The following ATP2A3 variants were observed in gnomAD, a reference collection of about 807,000 sequenced individuals.
ATP2A3 encodes the protein sarcoplasmic/endoplasmic reticulum calcium ATPase 3.
A neutral mutation model predicts 106.8 loss-of-function variants in ATP2A3; 61 were observed. The observed-to-expected ratio is 0.57, with a 90% CI of 0.46 to 0.71. ATP2A3 has a LOEUF of 0.71. Among genes scored for constraint, ATP2A3 ranks in the 30% least tolerant of loss-of-function variants. The probability of loss-of-function intolerance (pLI) is 0.00; values close to 1 mark genes in which losing one functional copy is unlikely to be tolerated. For missense variants in ATP2A3, 1,201 were observed against 1,423.5 expected (o/e 0.84, Z 2.52); for synonymous variants, 611 against 609.3 (o/e 1.00, Z -0.04).
At chr17:3,935,095 A>G in intron 17 of ATP2A3, 97 bp downstream of exon 17, 1 of 1,262,498 alleles carries the variant, frequency 7.9e-7, no homozygotes, top group Non-Finnish European at 1.2e-6. Flanking sequence ...GGGGAAGGAC[A>G]CTGCAGGCCA....
intron 14 of ATP2A3, among the ~76,000 whole-genome samples, chr17:3,940,252 G>A (rs981480887): frequency 4.0e-5 from 6 of 151,860 alleles, no homozygotes; most frequent in African/African-American, 9.7e-5. Context: ...GTGCTTCATC[G>A]AAGGCAAATT....
chr17:3,945,250 C>A (rs2054047973), intron 8 of ATP2A3, 102 bp from the exon 9 acceptor site: 1 of 1,163,536 alleles, frequency 8.6e-7, no homozygotes, highest in South Asian at 1.4e-5. Flanking sequence ...CCTGCCCGAC[C>A]GAGGGCCAAA....
At chr17:3,944,834 G>T in intron 9 of ATP2A3, 28 bp from the exon 10 acceptor site, 1 of 1,589,542 alleles carries the variant, frequency 6.3e-7, no homozygotes, top group Non-Finnish European at 8.6e-7. Flanking sequence ...TCACCAGGAG[G>T]ACCTCGGCTC....
chr17:3,958,775 C>CACACATATAT (rs1567726453), intron 1 of ATP2A3, among the ~76,000 whole-genome samples: 5 of 132,330 alleles, frequency 3.8e-5, no homozygotes, highest in East Asian at 2.0e-4. Flanking sequence ...CATATATATA[C>CACACATATAT]ACACACATAT....
chr17:3,935,152 G>A, intron 17 of ATP2A3, 40 bp downstream of exon 17: 1 of 1,604,420 alleles, frequency 6.2e-7, no homozygotes, highest in African/African-American at 1.3e-5. Context: ...AACAACTCGA[G>A]CTGTAAGTTC....
chr17:3,947,745 C>T lies in ATP2A3; in HGVS notation c.741G>A (p.Thr247=), dbSNP rs761338635. 22 of 1,607,726 alleles carry T rather than the reference C, an allele frequency of 1.4e-5. No individual in the cohort carries two copies. The highest frequency in any genetic ancestry group is 1.6e-4 in the Middle Eastern group (1 of 6,084). ...SQMAAVEPER[T]PLQRKLDEFG... is the part of the protein sequence containing the mutation. Reference sequence around the variant, plus strand: ...ACTCGTCCAGCTTGCGCTGCAGCGGCGTCCGCTCGGGCTCGACTGCCGCCA... The same window carrying T: ...ACTCGTCCAGCTTGCGCTGCAGCGGTGTCCGCTCGGGCTCGACTGCCGCCA... Residue 247 remains threonine (T), a synonymous_variant, in exon 8 of 21, where the codon ACG becomes ACA. Coordinates refer to ENST00000397041, the MANE Select transcript of ATP2A3 (RefSeq NM_005173.4). This position sits in a 1 kb window ranked among gnomAD's most constrained non-coding sequence, Gnocchi z 7.7.
chr17:3,963,182 C>T (rs7226031), intron 1 of ATP2A3, among the ~76,000 whole-genome samples: 15,305 of 152,272 alleles, frequency 0.1, 867 homozygotes, highest in Middle Eastern at 0.15. Flanking sequence ...GGCTAGAATA[C>T]CTTCCCCTCT....
At position 3,930,885 on chromosome 17, in the gene ATP2A3, T is replaced by C. The variant is rs55673593; in HGVS notation, c.2611-451A>G. ...ATTTACAGCTGGGCGTGGTGGCTCA[T>C]GCCTGTCATCCCAGGGAGGCGGAGG... On this transcript the variant is annotated intron_variant, in intron 17 of 20. Transcript: ENST00000397041. This position sits in a 1 kb window ranked among gnomAD's most constrained non-coding sequence, Gnocchi z 5.4. The C allele has an allele frequency of 0.18, 50,290 of 284,138 alleles. 6,729 individuals carry two copies. Among genetic ancestry groups the C allele is most frequent in the African/African-American group, 0.45 (20,368 of 45,694 alleles). The allele number at this position is 284,138 out of a possible 1,614,324, so 17.6% of individuals were successfully genotyped here.
chr17:3,961,032 G>A (rs1567729899), intron 1 of ATP2A3, among the ~76,000 whole-genome samples: 1 of 152,194 alleles, frequency 6.6e-6, no homozygotes. Flanking sequence ...GCTCCTCCTG[G>A]CACCGGCTCC....
Position 3,947,422 on chromosome 17 carries a change from G to A in ATP2A3, c.1064C>T (p.Thr355Met), listed in dbSNP as rs1423420491. ...GACAGACATCTGATTGGTGGTGAGCGTGCCCGTCTTGTCGGAGCAGATGAC... is the reference window on the plus strand; with the variant it reads ...GACAGACATCTGATTGGTGGTGAGCATGCCCGTCTTGTCGGAGCAGATGAC... ...TSVICSDKTGTLTTNQMSVCR... is the reference protein window; with the variant it reads ...TSVICSDKTGMLTTNQMSVCR... The change falls in exon 8 of 21, where the codon ACG becomes ATG. Residue 355 changes from threonine (T) to methionine (M), a missense_variant. Thr to Met is a moderately conservative substitution (Grantham distance 81). Around this residue, in one of 2 missense-constraint regions of ATP2A3, gnomAD observed 935 missense variants for 1,176.7 expected, o/e 0.79. Transcript: ENST00000397041. The surrounding 1 kb of genome is among the most constrained non-coding windows in gnomAD (Gnocchi z 7.7). 14 of 1,613,814 alleles carry A rather than the reference G, an allele frequency of 8.7e-6. No homozygotes were observed. Among genetic ancestry groups the A allele is most frequent in the African/African-American group, 1.3e-5 (1 of 74,960 alleles).
At position 3,940,619 on chromosome 17, in the gene ATP2A3, T is replaced by C. The variant is rs139940194; in HGVS notation, c.2100+352A>G. 7.0e-3 allele frequency among the ~76,000 whole-genome samples: 1,062 copies of C among 152,238 alleles called. 11 individuals are homozygous for C. The highest frequency in any genetic ancestry group is 0.024 in the African/African-American group (1,011 of 41,540). On this transcript the variant is annotated intron_variant, in intron 14 of 20. Coordinates refer to ENST00000397041, the MANE Select transcript of ATP2A3 (RefSeq NM_005173.4). ...GCCTCCCGGATTCAAGTGATTCTCC[T>C]GCCTCAGCCTCCTGAGTAGCTGGGG...
intron 11 of ATP2A3, 63 bp from the exon 12 acceptor site, chr17:3,942,794 A>C (rs1285760275): frequency 6.2e-7 from 1 of 1,600,264 alleles, no homozygotes; most frequent in Non-Finnish European, 8.5e-7. Flanking sequence ...CTGCCTTCCC[A>C]CCAACTGCTT....
chr17:3,953,736 G>T lies in ATP2A3; in HGVS notation c.119-26C>A. On this transcript the variant is annotated intron_variant, in intron 1 of 20. Coordinates refer to ENST00000397041, the MANE Select transcript of ATP2A3 (RefSeq NM_005173.4). The surrounding 1 kb of genome is among the most constrained non-coding windows in gnomAD (Gnocchi z 5.1). Reference sequence around the variant, plus strand: ...CTGCAGGATCCAGGCAGCCACGGGAGCCATGAGGAGACAAGAGAGGAGTGG... The same window carrying T: ...CTGCAGGATCCAGGCAGCCACGGGATCCATGAGGAGACAAGAGAGGAGTGG... 1 of 1,568,638 alleles carries T rather than the reference G, an allele frequency of 6.4e-7. No homozygotes were observed. The highest frequency in any genetic ancestry group is 8.6e-7 in the Non-Finnish European group (1 of 1,156,374).
chr17:3,943,475 C>G lies in ATP2A3; in HGVS notation c.1335G>C (p.Leu445=), dbSNP rs1028796129. The G allele has an allele frequency of 3.7e-6, 6 of 1,614,130 alleles. No homozygotes were observed. Among genetic ancestry groups the G allele is most frequent in the Non-Finnish European group, 8.5e-7 (1 of 1,180,006 alleles). The stretch of plus-strand genomic sequence containing the variant: ...CGTTCATCTTCTCCACCAGGCAAGT[C>G]AGAGCTGTCTCCGTGGCCTCTCCCA... The part of the protein sequence containing the change: ...EKVGEATETA[L]TCLVEKMNVF... Residue 445 remains leucine (L), a synonymous_variant, in exon 11 of 21, where the codon CTG becomes CTC. Transcript: ENST00000397041.
rs888980839 is a variant in ATP2A3 at position 3,926,306 on chromosome 17, G to A, written c.2981-865C>T. On this transcript the variant is annotated intron_variant, in intron 20 of 20. Coordinates refer to ENST00000397041, the MANE Select transcript of ATP2A3 (RefSeq NM_005173.4). The surrounding 1 kb of genome is among the most constrained non-coding windows in gnomAD (Gnocchi z 4.6). ...CCCGTCTGGCTTTAGGAGGCCCCAGGGACTGCAGTAGCGCTGGGCAGGGCT... is the reference window on the plus strand; with the variant it reads ...CCCGTCTGGCTTTAGGAGGCCCCAGAGACTGCAGTAGCGCTGGGCAGGGCT... 1.3e-5 allele frequency among the ~76,000 whole-genome samples: 2 copies of A among 152,154 alleles called. No individual in the cohort carries two copies. The highest frequency in any genetic ancestry group is 2.9e-5 in the Non-Finnish European group (2 of 68,022).
chr17:3,963,336 G>A (rs12602259), intron 1 of ATP2A3, among the ~76,000 whole-genome samples: 1 of 152,270 alleles, frequency 6.6e-6, no homozygotes, highest in Non-Finnish European at 1.5e-5. Context: ...GGGGGTGGCA[G>A]GTCCTGCCTG....
In ATP2A3 at chr17:3,936,468, T is replaced by C. The variant is rs550674560; in HGVS notation, c.2323A>G (p.Ile775Val). 8 of 1,613,944 alleles carry C rather than the reference T, an allele frequency of 5.0e-6. No homozygotes were observed. The highest frequency in any genetic ancestry group is 3.3e-5 in the Admixed American group (2 of 60,018). ...ISSNVGEVVC[I>V]FLTAILGLPE... ...AGGCCCAGAATTGCCGTGAGGAAGA[T>C]GCTGGAACAGAGTCATGAGCTCTAG... Residue 775 changes from isoleucine (I) to valine (V), a missense_variant and splice_region_variant, in exon 16 of 21, where the codon ATC becomes GTC. Physicochemically the swap from Ile to Val is conservative, Grantham distance 29 (BLOSUM62 3). Coordinates refer to ENST00000397041, the MANE Select transcript of ATP2A3 (RefSeq NM_005173.4). This position sits in a 1 kb window ranked among gnomAD's most constrained non-coding sequence, Gnocchi z 5.4.
rs957336935 is a variant in ATP2A3 at position 3,924,159 on chromosome 17, T to A, written c.*1263A>T. The A allele has an allele frequency of 6.6e-6, 1 of 152,296 alleles. No homozygotes were observed. Among genetic ancestry groups the A allele is most frequent in the African/African-American group, 2.4e-5 (1 of 41,402 alleles). 9.4% of individuals were successfully genotyped at this position (152,296 alleles called of 1,614,324 possible). On this transcript the variant is annotated 3_prime_UTR_variant, in exon 21 of 21. Coordinates refer to ENST00000397041, the MANE Select transcript of ATP2A3 (RefSeq NM_005173.4). The surrounding 1 kb of genome is among the most constrained non-coding windows in gnomAD (Gnocchi z 6.4). ...GATGTGGGGGACTAGGAAAGGGATGTGAGTCTTGATTTACATATAAAATCA... is the reference window on the plus strand; with the variant it reads ...GATGTGGGGGACTAGGAAAGGGATGAGAGTCTTGATTTACATATAAAATCA...
rs1450356642 is a variant in ATP2A3, at chr17:3,929,245, A to AG, written c.2862+82dup. On this transcript the variant is annotated intron_variant, in intron 19 of 20. Coordinates refer to ENST00000397041, the MANE Select transcript of ATP2A3 (RefSeq NM_005173.4). The surrounding 1 kb of genome is among the most constrained non-coding windows in gnomAD (Gnocchi z 4.3). ...CTCTCCTCCAGGTAGTTTCCATTGC[A>AG]GGGGGGCCAGAGAGGTCCAGTGACC... The AG allele has an allele frequency of 4.7e-6, 6 of 1,276,078 alleles. No homozygotes were observed. The African/African-American group carries it at 6.0e-5, about 13-fold the overall frequency. 79.0% of individuals were successfully genotyped at this position (1,276,078 alleles called of 1,614,324 possible).
Sources: gnomAD v4.1 joint callset for allele counts (sites outside exome capture counted in the v4.1 genomes callset) on GRCh38, gnomAD v4.1.1 for gene constraint, gnomAD v4.1.1 regional missense constraint, Gnocchi (gnomAD v3.1) non-coding constraint, MANE v1.5 for transcripts, NCBI Gene and HGNC (gene_info 2026-07-23, HGNC 2026-07-21) for gene names.